SELENOF: variants seen among roughly 807,000 people sequenced by gnomAD.
SELENOF encodes selenoprotein F, also known as 15 kDa selenoprotein.
SELENOF carries 16 observed loss-of-function variants against 20.5 expected under a neutral mutation model. That is an observed-to-expected ratio of 0.78 (90% CI 0.53 to 1.19). SELENOF has a LOEUF of 1.19. Ranked by LOEUF, SELENOF falls within the 50% of genes most tolerant of loss-of-function variation. The pLI is 0.00. For missense variants in SELENOF, 215 were observed against 194.2 expected (o/e 1.11, Z -0.64); for synonymous variants, 78 against 74.5 (o/e 1.05, Z -0.24).
At chr1:86,888,601 CTGA>C (rs1406275353) in intron 2 of SELENOF, among the ~76,000 whole-genome samples, 1 of 152,130 alleles carries the variant, frequency 6.6e-6, no homozygotes, top group Admixed American at 6.5e-5. Flanking sequence ...TGCATCACTG[CTGA>C]TATTATCCCT....
At position 86,881,033 on chromosome 1, in the gene SELENOF, C is replaced by T. The variant is rs1316240881; in HGVS notation, c.253-308G>A. Among the ~76,000 whole-genome samples the T allele has an allele frequency of 2.6e-5, 4 of 152,162 alleles. No homozygotes were observed. In the East Asian group the frequency reaches 7.7e-4, roughly 29 times the overall value. On this transcript the variant is annotated intron_variant, in intron 2 of 4. Coordinates refer to ENST00000331835, the MANE Select transcript of SELENOF (RefSeq NM_004261.5). ...TAAATAGGTAAGATGTCCTAGGAAG[C>T]GCTACAAAATATTAAAGGTTTCCTA...
chr1:86,866,195 C>CAAAA lies in SELENOF; in HGVS notation c.366+1854_366+1857dup, dbSNP rs762072945. ...CTGGGTGACAGAGTAAGACCATGTCCAAAAAAAAAAAAAAAAAAAAAAAAG... is the reference window on the plus strand; with the variant it reads ...CTGGGTGACAGAGTAAGACCATGTCCAAAAAAAAAAAAAAAAAAAAAAAAAAAAG... On this transcript the variant is annotated intron_variant, in intron 4 of 4. Coordinates refer to ENST00000331835, the MANE Select transcript of SELENOF (RefSeq NM_004261.5). Among the ~76,000 whole-genome samples the CAAAA allele has an allele frequency of 2.2e-4, 6 of 27,646 alleles. 1 individual carries two copies. The highest frequency in any genetic ancestry group is 6.9e-4 in the African/African-American group (6 of 8,756). 18.1% of individuals were successfully genotyped at this position (27,646 alleles called of 152,430 possible).
In SELENOF at chr1:86,883,860, C is replaced by T. The variant is rs115099482; in HGVS notation, c.253-3135G>A. Among the ~76,000 whole-genome samples the T allele has an allele frequency of 5.9e-3, 893 of 152,270 alleles. 10 individuals carry two copies. Among genetic ancestry groups the T allele is most frequent in the African/African-American group, 0.021 (860 of 41,558 alleles). On this transcript the variant is annotated intron_variant, in intron 2 of 4. Transcript: ENST00000331835. Reference sequence around the variant, plus strand: ...TCAGTATCTTACCACACCCATAACCCACTCATGGGAAGCTTGTCTCTGCAC... The same window carrying T: ...TCAGTATCTTACCACACCCATAACCTACTCATGGGAAGCTTGTCTCTGCAC...
rs769619360 is a variant in SELENOF, at chr1:86,914,104, G to A, written c.8C>T (p.Ala3Val). The A allele has an allele frequency of 5.0e-6, 8 of 1,613,918 alleles. No homozygotes were observed. The Admixed American group carries it at 5.0e-5, about 10-fold the overall frequency. MV[A>V]MAAGPSGCLV... is the part of the protein sequence containing the mutation. Reference sequence around the variant, plus strand: ...ACACCCACTCGGCCCAGCCGCCATCGCTACCATTTTCCGCAGGTTTCTGGC... The same window carrying A: ...ACACCCACTCGGCCCAGCCGCCATCACTACCATTTTCCGCAGGTTTCTGGC... Residue 3 changes from alanine to valine, a missense_variant, in exon 1 of 5, where the codon GCG becomes GTG. Transcript: ENST00000331835.
chr1:86,879,063 A>T (rs1463483957), intron 3 of SELENOF, among the ~76,000 whole-genome samples: 2 of 152,182 alleles, frequency 1.3e-5, no homozygotes, highest in Admixed American at 6.5e-5. Flanking sequence ...TAGATAATAA[A>T]ATCTGATATC....
intron 3 of SELENOF, among the ~76,000 whole-genome samples, chr1:86,876,580 T>C (rs1428755922): frequency 6.6e-6 from 1 of 152,144 alleles, no homozygotes; most frequent in Non-Finnish European, 1.5e-5. Flanking sequence ...TAAAAAAATA[T>C]AAGAAATACA....
chr1:86,900,299 T>C (rs988934867), intron 2 of SELENOF, among the ~76,000 whole-genome samples: 79 of 152,054 alleles, frequency 5.2e-4, no homozygotes, highest in African/African-American at 1.8e-3. Flanking sequence ...CTGGGCACCA[T>C]TGAGCACTGA....
intron 2 of SELENOF, among the ~76,000 whole-genome samples, chr1:86,900,581 A>G (rs573133250): frequency 6.6e-6 from 1 of 151,860 alleles, no homozygotes; most frequent in African/African-American, 2.4e-5. Context: ...GACCGTGGAA[A>G]GAGAGGGAGA....
chr1:86,883,787 G>A (rs1162909946), intron 2 of SELENOF, among the ~76,000 whole-genome samples: 2 of 152,090 alleles, frequency 1.3e-5, no homozygotes, highest in African/African-American at 4.8e-5. Context: ...TAGCCTGGGA[G>A]CCCTGCTTAC....
At position 86,862,628 on chromosome 1, in the gene SELENOF, T is replaced by A. The variant is rs1380953709; in HGVS notation, c.*846A>T. ...TTAAATATTACAGCCATTTTTACATTTTGGCTAAAAAAAGGGCTTACATGA... is the reference window on the plus strand; with the variant it reads ...TTAAATATTACAGCCATTTTTACATATTGGCTAAAAAAAGGGCTTACATGA... On this transcript the variant is annotated 3_prime_UTR_variant, in exon 5 of 5. Coordinates refer to ENST00000331835, the MANE Select transcript of SELENOF (RefSeq NM_004261.5). 2 of 152,144 alleles carry A rather than the reference T, an allele frequency of 1.3e-5. No homozygotes were observed. The highest frequency in any genetic ancestry group is 4.8e-5 in the African/African-American group (2 of 41,440). The allele number at this position is 152,144 out of a possible 1,614,324, so 9.4% of individuals were successfully genotyped here.
chr1:86,871,675 T>TCTC (rs1658773233), intron 3 of SELENOF, among the ~76,000 whole-genome samples: 1 of 152,224 alleles, frequency 6.6e-6, no homozygotes, highest in African/African-American at 2.4e-5. Context: ...CCACTGTATT[T>TCTC]AATTTCTCAA....
chr1:86,885,866 T>C (rs557819161), intron 2 of SELENOF, among the ~76,000 whole-genome samples: 11 of 152,330 alleles, frequency 7.2e-5, no homozygotes, highest in African/African-American at 2.6e-4. Context: ...ACTTCCAGAA[T>C]TGCTATAAGA....
intron 3 of SELENOF, among the ~76,000 whole-genome samples, chr1:86,878,717 C>T (rs1658987619): frequency 6.6e-6 from 1 of 152,062 alleles, no homozygotes; most frequent in Non-Finnish European, 1.5e-5. Context: ...GCAGTGAAGA[C>T]ATGAAAGTTA....
chr1:86,906,062 T>C (rs12096673), intron 1 of SELENOF, among the ~76,000 whole-genome samples: 187 of 152,334 alleles, frequency 1.2e-3, no homozygotes, highest in African/African-American at 4.2e-3. Context: ...TGTTGGCATA[T>C]TCACCCAAAA....
chr1:86,907,744 T>C (rs1367072859), intron 1 of SELENOF, among the ~76,000 whole-genome samples: 2 of 152,118 alleles, frequency 1.3e-5, no homozygotes, highest in Non-Finnish European at 1.5e-5. Flanking sequence ...AGTGCTTTGG[T>C]AGGCCAAGGT....
intron 2 of SELENOF, among the ~76,000 whole-genome samples, chr1:86,891,175 G>A (rs987297248): frequency 1.3e-5 from 2 of 151,668 alleles, no homozygotes; most frequent in Non-Finnish European, 2.9e-5. Context: ...TCAGCCTCCC[G>A]AGTAGCTGAG....
chr1:86,893,988 T>C (rs1324239197), intron 2 of SELENOF, among the ~76,000 whole-genome samples: 1 of 152,200 alleles, frequency 6.6e-6, no homozygotes, highest in East Asian at 1.9e-4. Context: ...ATTTTCCTAT[T>C]ATCTGGAAAG....
At chr1:86,897,220 G>A (rs1316795399) in intron 2 of SELENOF, among the ~76,000 whole-genome samples, 1 of 152,144 alleles carries the variant, frequency 6.6e-6, no homozygotes, top group Non-Finnish European at 1.5e-5. Flanking sequence ...CCAGAAGGTG[G>A]AGGTTGCGGT....
At chr1:86,864,992 T>G (rs988316894) in intron 4 of SELENOF, among the ~76,000 whole-genome samples, 1 of 151,982 alleles carries the variant, frequency 6.6e-6, no homozygotes, top group Non-Finnish European at 1.5e-5. Context: ...GGATTTGAGA[T>G]CCCAATATTT....
Sources: allele counts gnomAD v4.1 joint callset (sites outside exome capture counted in the v4.1 genomes callset), GRCh38; gene constraint gnomAD v4.1.1; transcripts MANE v1.5; gene names NCBI Gene and HGNC (gene_info 2026-07-23, HGNC 2026-07-21).